CDK12: variants seen among roughly 807,000 people sequenced by gnomAD.
CDK12 encodes the protein cyclin dependent kinase 12.
In CDK12, 17 loss-of-function variants were observed where a neutral mutation model predicts 133.8. The ratio of observed to expected loss-of-function variants is 0.13; its 90% CI spans 0.09 to 0.19. The LOEUF is 0.19. CDK12 is among the 10% of genes least tolerant of loss of function. The pLI, the probability that CDK12 is intolerant of heterozygous loss-of-function variation, is 1.00. For synonymous variants in CDK12, 694 were observed against 683.6 expected (o/e 1.02, Z -0.24); for missense variants, 1,508 against 1,818.7 (o/e 0.83, Z 3.11).
intron 3 of CDK12, among the ~76,000 whole-genome samples, chr17:39,562,902 CT>C (rs59852699): frequency 0.2 from 18,689 of 92,572 alleles, 1,497 homozygotes; most frequent in African/African-American, 0.34. Context: ...TTTTTCTTTT[CT>C]TTTTTTTTTT....
chr17:39,496,728 A>G (rs2052144923), intron 5 of CDK12, among the ~76,000 whole-genome samples: 1 of 151,876 alleles, frequency 6.6e-6, no homozygotes, highest in Admixed American at 6.6e-5. Context: ...AAACATAATA[A>G]CAATGCCTTG....
chr17:39,519,832 C>T (rs1598151578), intron 10 of CDK12, 124 bp from the exon 11 acceptor site: 11 of 945,060 alleles, frequency 1.2e-5, no homozygotes, highest in South Asian at 6.2e-5. Context: ...TCTGGCCTCA[C>T]GCAGTCCTAC....
chr17:39,531,667 A>C lies in CDK12; in HGVS notation c.*351A>C. 1 of 260,064 alleles carries C rather than the reference A, an allele frequency of 3.8e-6. No homozygotes were observed. Among genetic ancestry groups the C allele is most frequent in the Non-Finnish European group, 7.3e-6 (1 of 136,890 alleles). The allele number at this position is 260,064 out of a possible 1,614,324, so 16.1% of individuals were successfully genotyped here. Reference sequence around the variant, plus strand: ...GAGAGAAAGAACAGTTTCAGTATTGAGATGGCTCAGGAGAGGCTCTTTGAT... The same window carrying C: ...GAGAGAAAGAACAGTTTCAGTATTGCGATGGCTCAGGAGAGGCTCTTTGAT... On this transcript the variant is annotated 3_prime_UTR_variant, in exon 14 of 14. Transcript: ENST00000447079.
chr17:39,474,781 CTTTTT>C (rs893347738), intron 2 of CDK12, among the ~76,000 whole-genome samples: 2 of 94,130 alleles, frequency 2.1e-5, no homozygotes, highest in African/African-American at 4.6e-5. Flanking sequence ...ATGATGTTTC[CTTTTT>C]TTTTTTTTTT....
At chr17:39,476,352 G>A (rs2050189482) in intron 2 of CDK12, among the ~76,000 whole-genome samples, 1 of 151,978 alleles carries the variant, frequency 6.6e-6, no homozygotes, top group Non-Finnish European at 1.5e-5. Context: ...CTCATGATCT[G>A]TCCGCCTCAG....
intron 9 of CDK12, among the ~76,000 whole-genome samples, chr17:39,516,142 T>C (rs1377035200): frequency 6.6e-6 from 1 of 152,202 alleles, no homozygotes; most frequent in Non-Finnish European, 1.5e-5. Flanking sequence ...CAGATTACTT[T>C]TAACATTAAA....
At chr17:39,485,721 TAA>T (rs78266155) in intron 2 of CDK12, among the ~76,000 whole-genome samples, 9 of 140,276 alleles carry the variant, frequency 6.4e-5, no homozygotes, top group Non-Finnish European at 4.7e-5. Context: ...CCCTGTCTCT[TAA>T]AAAAAAAAAA....
chr17:39,538,209 A>G (rs1446507085), downstream of CDK12, among the ~76,000 whole-genome samples: 1 of 152,238 alleles, frequency 6.6e-6, no homozygotes, highest in Non-Finnish European at 1.5e-5. Flanking sequence ...ACATGGATGC[A>G]TCACATTAAA....
Position 39,520,037 on chromosome 17 carries a change from A to G in CDK12, c.3045A>G (p.Leu1015=), listed in dbSNP as rs757636720. ...AGCGGTGCACAGCTGAACAGACCCT[A>G]CAGAGCGACTTCCTTAAAGATGTCG... ...PSKRCTAEQT[L]QSDFLKDVEL... The change falls in exon 11 of 14, where the codon CTA becomes CTG. Residue 1015 remains leucine (L), a synonymous_variant. Transcript: ENST00000447079. The G allele has an allele frequency of 1.5e-5, 24 of 1,613,994 alleles. No homozygotes were observed. The highest frequency in any genetic ancestry group is 1.5e-5 in the Non-Finnish European group (18 of 1,180,008).
At chr17:39,519,043 T>C (rs370615078) in intron 10 of CDK12, among the ~76,000 whole-genome samples, 10 of 150,838 alleles carry the variant, frequency 6.6e-5, no homozygotes, top group East Asian at 6.0e-4. Flanking sequence ...CAAGGATTAC[T>C]GGCACGTGCC....
chr17:39,530,813 A>G lies in CDK12; in HGVS notation c.3970A>G (p.Arg1324Gly), dbSNP rs2146834565. Residue 1324 changes from arginine to glycine, a missense_variant, in exon 14 of 14, where the codon AGA becomes GGA. Coordinates refer to ENST00000447079, the MANE Select transcript of CDK12 (RefSeq NM_016507.4). ...GHLPHEHQAL[R>G]PMEYSTRPRP... ...CCTGCCACATGAGCACCAGGCCTTG[A>G]GACCAATGGAGTACTCCACCCGACC... 1 of 1,614,202 alleles carries G rather than the reference A, an allele frequency of 6.2e-7. No homozygotes were observed. The highest frequency in any genetic ancestry group is 1.1e-5 in the South Asian group (1 of 91,078).
chr17:39,544,305 T>A (rs1162267825), upstream of CDK12: 2 of 489,682 alleles, frequency 4.1e-6, no homozygotes, highest in Admixed American at 2.3e-5. Context: ...ATCAGTCACC[T>A]CTCACCCAGA....
chr17:39,480,352 C>T (rs182517903), intron 2 of CDK12, among the ~76,000 whole-genome samples: 103 of 151,762 alleles, frequency 6.8e-4, no homozygotes, highest in African/African-American at 2.4e-3. Flanking sequence ...TAACCTCCAT[C>T]TCCATCTCTG....
At chr17:39,515,936 A>G in intron 9 of CDK12, 128 bp downstream of exon 9, 1 of 577,484 alleles carries the variant, frequency 1.7e-6, no homozygotes, top group South Asian at 3.0e-5. Flanking sequence ...CTCTTTACTC[A>G]GTCAGGTTTA....
chr17:39,474,479 C>T (rs944280726), intron 2 of CDK12, among the ~76,000 whole-genome samples: 5 of 152,170 alleles, frequency 3.3e-5, no homozygotes, highest in South Asian at 2.1e-4. Flanking sequence ...CCACTACACC[C>T]GGCTAATTTA....
Position 39,524,834 on chromosome 17 carries a change from C to G in CDK12, c.3256C>G (p.Pro1086Ala), listed in dbSNP as rs976074297. 6.2e-7 allele frequency: 1 copy of G among 1,614,226 alleles called. No homozygotes were observed. The highest frequency in any genetic ancestry group is 1.3e-5 in the African/African-American group (1 of 75,058). Residue 1086 changes from proline to alanine, a missense_variant, in exon 12 of 14, where the codon CCA (proline) becomes GCA (alanine). This residue lies in a region of CDK12 where 399 missense variants were observed against 469.6 expected (regional missense o/e 0.85). Transcript: ENST00000447079. ...GCCTGTGAAGAACAGCAGCCCAGCACCACCTCAGCCTGCTCCTGGCAAGGT... is the reference window on the plus strand; with the variant it reads ...GCCTGTGAAGAACAGCAGCCCAGCAGCACCTCAGCCTGCTCCTGGCAAGGT... Reference protein sequence around the residue: ...TEPVKNSSPAPPQPAPGKVES... With the variant: ...TEPVKNSSPAAPQPAPGKVES...
intron 8 of CDK12, 57 bp from the exon 9 acceptor site, chr17:39,515,674 C>G: frequency 8.6e-7 from 1 of 1,166,242 alleles, no homozygotes; most frequent in Non-Finnish European, 1.3e-6. Flanking sequence ...TTTTTTGAGA[C>G]ACTTTAAATA....
intron 1 of CDK12, 104 bp from the exon 2 acceptor site, chr17:39,470,775 T>C: frequency 1.0e-6 from 1 of 1,001,578 alleles, no homozygotes; most frequent in Non-Finnish European, 1.4e-6. Context: ...TAATCTATTT[T>C]ACAATTGATA....
rs1597890686 is a variant in CDK12, at chr17:39,461,957, A to C, written c.-115A>C. The C allele has an allele frequency of 1.6e-6, 1 of 642,838 alleles. No individual in the cohort carries two copies. 39.8% of individuals were successfully genotyped at this position (642,838 alleles called of 1,614,324 possible). ...CTGGGCTACCGTCCCTGCCCTCCCC[A>C]CCCCCTTCCCGGGGCGCTTTGGTGG... On this transcript the variant is annotated 5_prime_UTR_variant, in exon 1 of 14. Transcript: ENST00000447079.
Sources: gnomAD v4.1 joint callset for allele counts (sites outside exome capture counted in the v4.1 genomes callset) on GRCh38, gnomAD v4.1.1 for gene constraint, gnomAD v4.1.1 regional missense constraint, MANE v1.5 for transcripts, NCBI Gene and HGNC (gene_info 2026-07-23, HGNC 2026-07-21) for gene names.